The following PRKG1 variants were observed in gnomAD, a reference collection of about 807,000 sequenced individuals.
PRKG1 encodes cGMP-dependent protein kinase 1.
PRKG1 carries 35 observed loss-of-function variants against 88.1 expected under a neutral mutation model. The ratio of observed to expected loss-of-function variants is 0.40; its 90% CI spans 0.30 to 0.53. PRKG1 has a LOEUF of 0.53. Ranked by LOEUF, PRKG1 falls within the 20% of genes least tolerant of loss-of-function variation. The pLI is 0.59. For synonymous variants in PRKG1, 303 were observed against 292.5 expected, an observed-to-expected ratio of 1.04 and a Z score of -0.37; for missense variants, 540 against 839.8, an observed-to-expected ratio of 0.64 and a Z score of 4.41.
intron 1 of PRKG1, among the ~76,000 whole-genome samples, chr10:51,042,307 G>A (rs1010650756): frequency 2.0e-5 from 3 of 152,108 alleles, no homozygotes; most frequent in African/African-American, 7.2e-5. Flanking sequence ...CATGTTAAAG[G>A]ACAAGTTAAC....
At chr10:52,170,778 G>A (rs12248467) in intron 9 of PRKG1, among the ~76,000 whole-genome samples, 11,648 of 152,214 alleles carry the variant, frequency 0.077, 1,507 homozygotes, top group African/African-American at 0.26. Context: ...CTTCTTGTTT[G>A]ACACAATGTG....
chr10:51,850,343 A>C (rs1013282112), intron 4 of PRKG1, among the ~76,000 whole-genome samples: 3 of 152,052 alleles, frequency 2.0e-5, no homozygotes, highest in African/African-American at 7.2e-5. Context: ...CACCCAGCTA[A>C]TTTTTGTATT....
At chr10:51,283,842 A>T (rs1280647020) in intron 2 of PRKG1, among the ~76,000 whole-genome samples, 1 of 152,220 alleles carries the variant, frequency 6.6e-6, no homozygotes, top group Non-Finnish European at 1.5e-5. Flanking sequence ...CATCCACTCG[A>T]GACCCCAACT....
At chr10:51,511,746 T>C (rs1841418673) in intron 3 of PRKG1, among the ~76,000 whole-genome samples, 1 of 152,228 alleles carries the variant, frequency 6.6e-6, no homozygotes, top group Non-Finnish European at 1.5e-5. Context: ...TGTTACCCTC[T>C]CTTTTAGAAG....
chr10:51,079,855 T>A (rs1337798183), intron 1 of PRKG1, among the ~76,000 whole-genome samples: 5 of 152,190 alleles, frequency 3.3e-5, no homozygotes, highest in Non-Finnish European at 7.3e-5. Context: ...AGCAGATGAT[T>A]AGAAGTCTTA....
chr10:51,990,051 C>T (rs1468318595), intron 5 of PRKG1, among the ~76,000 whole-genome samples: 1 of 151,920 alleles, frequency 6.6e-6, no homozygotes, highest in Admixed American at 6.6e-5. Flanking sequence ...ATGTGGATAT[C>T]CAGTTATTTC....
chr10:51,698,667 C>T (rs1356411239), intron 3 of PRKG1: 2 of 1,614,192 alleles, frequency 1.2e-6, no homozygotes, highest in Non-Finnish European at 1.7e-6. Context: ...ACTGGGCCAA[C>T]CCCTGGCATT....
At chr10:51,376,701 T>C (rs1842824049) in intron 2 of PRKG1, among the ~76,000 whole-genome samples, 1 of 152,068 alleles carries the variant, frequency 6.6e-6, no homozygotes, top group Non-Finnish European at 1.5e-5. Flanking sequence ...TTTGAGAGAG[T>C]TTTGCTCTTG....
chr10:51,156,907 T>C (rs182866726), intron 2 of PRKG1, among the ~76,000 whole-genome samples: 42 of 152,074 alleles, frequency 2.8e-4, no homozygotes, highest in Middle Eastern at 3.4e-3. Flanking sequence ...GAATAGGCAG[T>C]AAAGGATCTT....
chr10:51,318,985 C>A (rs886183788), intron 2 of PRKG1, among the ~76,000 whole-genome samples: 1 of 152,164 alleles, frequency 6.6e-6, no homozygotes, highest in Non-Finnish European at 1.5e-5. Context: ...TAACTGCTGG[C>A]TAACTATAGC....
chr10:51,740,501 G>A (rs1470907334), intron 3 of PRKG1, among the ~76,000 whole-genome samples: 1 of 151,936 alleles, frequency 6.6e-6, no homozygotes, highest in Non-Finnish European at 1.5e-5. Context: ...ATTATTTTAT[G>A]CTTTGCAAAT....
Position 51,723,053 on chromosome 10 carries a change from T to A in PRKG1, c.593-81532T>A, listed in dbSNP as rs138985495. 8.2e-3 allele frequency among the ~76,000 whole-genome samples: 1,252 copies of A among 152,318 alleles called. 20 individuals carry two copies. The highest frequency in any genetic ancestry group is 0.028 in the African/African-American group (1,174 of 41,560). ...GTTTTGGCTCTTTTATCTTCTTTTGTTATTGAGAAAATTATGTTAACCTGT... is the reference window on the plus strand; with the variant it reads ...GTTTTGGCTCTTTTATCTTCTTTTGATATTGAGAAAATTATGTTAACCTGT... On this transcript the variant is annotated intron_variant, in intron 3 of 17. Coordinates refer to ENST00000373980, the MANE Select transcript of PRKG1 (RefSeq NM_006258.4).
intron 3 of PRKG1, among the ~76,000 whole-genome samples, chr10:51,657,832 A>G (rs185273305): frequency 4.9e-4 from 75 of 152,232 alleles, no homozygotes; most frequent in Non-Finnish European, 6.9e-4. Context: ...AGCAGACGGG[A>G]CTGTTCTGCT....
At chr10:51,876,791 A>T (rs1841310593) in intron 4 of PRKG1, among the ~76,000 whole-genome samples, 3 of 152,150 alleles carry the variant, frequency 2.0e-5, no homozygotes, top group Admixed American at 2.0e-4. Context: ...TCACCCAGAG[A>T]CCAGCGAGAA....
intron 10 of PRKG1, among the ~76,000 whole-genome samples, chr10:52,266,376 C>G (rs1299617691): frequency 6.6e-6 from 1 of 151,990 alleles, no homozygotes; most frequent in East Asian, 1.9e-4. Context: ...ACACCCCCAG[C>G]TCTCCCCCGA....
intron 2 of PRKG1, among the ~76,000 whole-genome samples, chr10:51,358,614 TAGAA>T: frequency 6.6e-6 from 1 of 151,978 alleles, no homozygotes; most frequent in East Asian, 2.0e-4. Flanking sequence ...TGTAGTATAA[TAGAA>T]AGAGAAGAGA....
chr10:51,366,276 T>G (rs182475797), intron 2 of PRKG1, among the ~76,000 whole-genome samples: 4 of 152,080 alleles, frequency 2.6e-5, no homozygotes, highest in African/African-American at 7.2e-5. Context: ...TTTCAGTTTT[T>G]CCTAGTAGAA....
chr10:52,177,793 T>TA (rs1373533853), intron 9 of PRKG1, among the ~76,000 whole-genome samples: 2 of 151,990 alleles, frequency 1.3e-5, no homozygotes, highest in Admixed American at 1.3e-4. Context: ...TAGTTGCTTA[T>TA]AAAAAACCCC....
At chr10:52,143,286 A>G (rs917902374) in intron 8 of PRKG1, among the ~76,000 whole-genome samples, 2 of 152,106 alleles carry the variant, frequency 1.3e-5, no homozygotes, top group Non-Finnish European at 2.9e-5. Context: ...TCCCTGAAGC[A>G]CACCACTATT....
Sources: gnomAD v4.1 joint callset for allele counts (sites outside exome capture counted in the v4.1 genomes callset) on GRCh38, gnomAD v4.1.1 for gene constraint, MANE v1.5 for transcripts, NCBI Gene and HGNC (gene_info 2026-07-23, HGNC 2026-07-21) for gene names.